Variants in WARS1 observed in about 807,000 individuals in gnomAD.
The protein encoded by WARS1 is tryptophan--tRNA ligase, cytoplasmic.
Under a neutral mutation model 47.8 loss-of-function variants are expected in WARS1, and 17 were observed. That is an observed-to-expected ratio of 0.36 (90% confidence interval 0.24 to 0.53). The LOEUF is 0.53. Ranked by LOEUF, WARS1 falls within the 20% of genes least tolerant of loss-of-function variation. The probability of loss-of-function intolerance (pLI) is 0.91; values close to 1 mark genes in which losing one functional copy is unlikely to be tolerated. For synonymous variants in WARS1, 208 were observed against 228.1 expected (o/e 0.91, Z 0.79); for missense variants, 434 against 608.0 (o/e 0.71, Z 3.01).
rs114403950 is a variant in WARS1, at chr14:100,342,230, C to A, written c.1113+168G>T. 6.1e-4 allele frequency: 511 copies of A among 836,856 alleles called. 2 individuals carry two copies. The African/African-American group carries it at 7.6e-3, about 12-fold the overall frequency. The allele number at this position is 836,856 out of a possible 1,614,324, so 51.8% of individuals were successfully genotyped here. On this transcript the variant is annotated intron_variant, in intron 9 of 10. Transcript: ENST00000392882. ...ACCTGATTCATGTGGGAAGGACAGG[C>A]TGCCTTGAGTTCTGCAGGGAGCAAA...
rs374867198 is a variant in WARS1 at position 100,342,602 on chromosome 14, C to T, written c.940-31G>A. 51 of 1,576,676 alleles carry T rather than the reference C, an allele frequency of 3.2e-5. 1 individual carries two copies. The Middle Eastern group carries it at 6.9e-4, about 21-fold the overall frequency. ...GGGAGAGTAAGGACCCTGATGAGGGCGGCCAGAAAACATGCCAGCTTTCAG... is the reference window on the plus strand; with the variant it reads ...GGGAGAGTAAGGACCCTGATGAGGGTGGCCAGAAAACATGCCAGCTTTCAG... On this transcript the variant is annotated intron_variant, in intron 8 of 10. Coordinates refer to ENST00000392882, the MANE Select transcript of WARS1 (RefSeq NM_004184.4).
intron 6 of WARS1, among the ~76,000 whole-genome samples, chr14:100,349,189 G>A (rs929953045): frequency 3.3e-5 from 5 of 152,206 alleles, no homozygotes; most frequent in African/African-American, 1.2e-4. Context: ...GGTGCCAGGC[G>A]TGGCTTGAAG....
chr14:100,342,781 T>C (rs1894261084), intron 8 of WARS1, among the ~76,000 whole-genome samples: 1 of 151,938 alleles, frequency 6.6e-6, no homozygotes, highest in Non-Finnish European at 1.5e-5. Flanking sequence ...GTTTGTTACA[T>C]AGGTATACAT....
At chr14:100,369,673 A>G (rs1896222534) in intron 1 of WARS1, among the ~76,000 whole-genome samples, 1 of 151,460 alleles carries the variant, frequency 6.6e-6, no homozygotes, top group South Asian at 2.1e-4. Flanking sequence ...TTGGCAAATT[A>G]CTATTTGATT....
At chr14:100,354,623 C>A in intron 4 of WARS1, 57 bp from the exon 5 acceptor site, 1 of 1,551,210 alleles carries the variant, frequency 6.4e-7, no homozygotes, top group Non-Finnish European at 8.7e-7. Flanking sequence ...TATCAAGGCA[C>A]TAATGCACTT....
intron 6 of WARS1, among the ~76,000 whole-genome samples, 196 bp downstream of exon 6, chr14:100,353,491 G>A (rs146626351): frequency 0.013 from 2,039 of 152,152 alleles, 46 homozygotes; most frequent in African/African-American, 0.047. Context: ...CTCGTGACCC[G>A]CCCACCTCGG....
intron 9 of WARS1, among the ~76,000 whole-genome samples, chr14:100,339,576 G>A (rs1380264727): frequency 1.6e-5 from 2 of 123,976 alleles, no homozygotes; most frequent in African/African-American, 2.9e-5. Flanking sequence ...GGGCGACAGA[G>A]TGAGACTCCG....
chr14:100,356,403 G>GC (rs1566855113), intron 4 of WARS1, among the ~76,000 whole-genome samples: 1 of 149,884 alleles, frequency 6.7e-6, no homozygotes, highest in African/African-American at 2.4e-5. Flanking sequence ...GTGTGTGGGG[G>GC]GGGGTGTGGA....
chr14:100,354,677 T>C, intron 4 of WARS1, 111 bp from the exon 5 acceptor site: 2 of 1,263,010 alleles, frequency 1.6e-6, no homozygotes, highest in Non-Finnish European at 2.2e-6. Flanking sequence ...ACATGGATAA[T>C]AACTAGAATT....
intron 10 of WARS1, 140 bp downstream of exon 10, chr14:100,336,922 C>T (rs985571528): frequency 2.4e-5 from 28 of 1,171,926 alleles, no homozygotes; most frequent in South Asian, 1.5e-4. Flanking sequence ...ACCATGAGGG[C>T]GAGTCTACTC....
chr14:100,339,590 C>CAAA (rs386382322), intron 9 of WARS1, among the ~76,000 whole-genome samples: 2,778 of 77,468 alleles, frequency 0.036, 238 homozygotes, highest in East Asian at 0.043. Flanking sequence ...GACTCCGTCT[C>CAAA]AAAAAAAAAA....
chr14:100,371,833 T>C (rs1343150423), intron 1 of WARS1, among the ~76,000 whole-genome samples: 1 of 152,142 alleles, frequency 6.6e-6, no homozygotes, highest in East Asian at 1.9e-4. Context: ...GGCGATTGCT[T>C]GAGCTCAGGA....
rs1895200708 is a variant in WARS1 at position 100,354,686 on chromosome 14, T to C, written c.423-120A>G. On this transcript the variant is annotated intron_variant, in intron 4 of 10. Coordinates refer to ENST00000392882, the MANE Select transcript of WARS1 (RefSeq NM_004184.4). ...GAAACAACATGGATAATAACTAGAA[T>C]TTGTTACCTTTGGTGCTTATGATAT... is the stretch of plus-strand genomic sequence containing the variant. 2.6e-6 allele frequency: 3 copies of C among 1,167,306 alleles called. No homozygotes were observed. The South Asian group carries it at 4.8e-5, about 19-fold the overall frequency. The allele number at this position is 1,167,306 out of a possible 1,614,324, so 72.3% of individuals were successfully genotyped here.
At chr14:100,357,384 T>C (rs942709529) in intron 4 of WARS1, among the ~76,000 whole-genome samples, 1 of 151,790 alleles carries the variant, frequency 6.6e-6, no homozygotes, top group African/African-American at 2.4e-5. Context: ...CTATCGAATC[T>C]GCAAAAAGAA....
intron 1 of WARS1, chr14:100,374,339 A>T (rs1390639742): frequency 2.0e-5 from 3 of 152,242 alleles, no homozygotes; most frequent in African/African-American, 4.8e-5. Context: ...CTGGGCGTGT[A>T]AAGAGCAAAA....
intron 7 of WARS1, among the ~76,000 whole-genome samples, chr14:100,344,795 A>AGCGTCTCT (rs1894438208): frequency 6.7e-6 from 1 of 148,590 alleles, no homozygotes; most frequent in Non-Finnish European, 1.5e-5. Context: ...GGAGGTGAGG[A>AGCGTCTCT]GCGTCTCTGC....
intron 6 of WARS1, among the ~76,000 whole-genome samples, chr14:100,347,164 T>C (rs1457357827): frequency 6.6e-6 from 1 of 152,054 alleles, no homozygotes; most frequent in Non-Finnish European, 1.5e-5. Flanking sequence ...GCATGAAAAA[T>C]TTAAATTCTG....
At chr14:100,349,711 T>C (rs1894847939) in intron 6 of WARS1, among the ~76,000 whole-genome samples, 1 of 152,226 alleles carries the variant, frequency 6.6e-6, no homozygotes, top group Non-Finnish European at 1.5e-5. Context: ...TGCCTTTGCA[T>C]CCCTCAGGGC....
In WARS1 at chr14:100,337,405, C is replaced by G. The variant is rs11622361; in HGVS notation, c.1114-203G>C. Reference sequence around the variant, plus strand: ...TCTTCCTGTGAGGCTTGGGTGTGAGCTACTGTGGGGCTCACTGCAGGAGAG... The same window carrying G: ...TCTTCCTGTGAGGCTTGGGTGTGAGGTACTGTGGGGCTCACTGCAGGAGAG... On this transcript the variant is annotated intron_variant, in intron 9 of 10. Coordinates refer to ENST00000392882, the MANE Select transcript of WARS1 (RefSeq NM_004184.4). Among the ~76,000 whole-genome samples the G allele has an allele frequency of 0.17, 25,521 of 152,082 alleles. 2,417 individuals carry two copies. The highest frequency in any genetic ancestry group is 0.22 in the Non-Finnish European group (15,005 of 67,966).
Sources: allele counts gnomAD v4.1 joint callset (sites outside exome capture counted in the v4.1 genomes callset), GRCh38; gene constraint gnomAD v4.1.1; transcripts MANE v1.5; gene names NCBI Gene and HGNC (gene_info 2026-07-23, HGNC 2026-07-21).